Variants in NHSL1 observed in about 807,000 individuals in gnomAD.
The protein encoded by NHSL1 is NHS-like protein 1.
NHSL1 carries 48 observed loss-of-function variants against 95.0 expected under a neutral mutation model. The ratio of observed to expected loss-of-function variants is 0.51; its 90% CI spans 0.40 to 0.64. The LOEUF is 0.64. Ranked by LOEUF, NHSL1 falls within the 30% of genes least tolerant of loss-of-function variation. The probability of loss-of-function intolerance (pLI) is 0.00; values close to 1 mark genes in which losing one functional copy is unlikely to be tolerated. For synonymous variants in NHSL1, 783 were observed against 833.9 expected, an observed-to-expected ratio of 0.94 and a Z score of 1.05; for missense variants, 1,971 against 2,077.7, an observed-to-expected ratio of 0.95 and a Z score of 1.00.
Position 138,661,937 on chromosome 6 carries a change from G to C in NHSL1, c.96+30539C>G, listed in dbSNP as rs76627691. Among the ~76,000 whole-genome samples the C allele has an allele frequency of 4.4e-3, 674 of 152,078 alleles. 12 individuals are homozygous for C. The East Asian group carries it at 0.074, about 17-fold the overall frequency. ...AATTAGAAAATAATTAGCCAGAAGT[G>C]GTGGCGTGCACCTGTAGCCTCAGCT... is the stretch of plus-strand genomic sequence containing the variant. On this transcript the variant is annotated intron_variant, in intron 1 of 3. Coordinates refer to the NHSL1 transcript ENST00000491526.
chr6:138,673,031 G>GATAGC (rs1562409221), intron 1 of NHSL1, among the ~76,000 whole-genome samples: 2 of 148,058 alleles, frequency 1.4e-5, no homozygotes, highest in Non-Finnish European at 3.0e-5. Flanking sequence ...AGATAGATAG[G>GATAGC]TAGATAGATA....
chr6:138,619,404 G>A (rs892578794), intron 1 of NHSL1, among the ~76,000 whole-genome samples: 3 of 152,150 alleles, frequency 2.0e-5, no homozygotes, highest in African/African-American at 7.2e-5. Flanking sequence ...CTATTTATAG[G>A]AGCAGCACAT....
chr6:138,456,971 C>T (rs1777654474), intron 3 of NHSL1, among the ~76,000 whole-genome samples: 1 of 151,842 alleles, frequency 6.6e-6, no homozygotes, highest in Non-Finnish European at 1.5e-5. Flanking sequence ...GCAACCTCCA[C>T]CTCCCAGATT....
chr6:138,454,712 G>A (rs1777470095), intron 3 of NHSL1, among the ~76,000 whole-genome samples: 1 of 152,200 alleles, frequency 6.6e-6, no homozygotes, highest in Admixed American at 6.5e-5. Flanking sequence ...AATAAAGAAA[G>A]ATCTTGTTTC....
At chr6:138,607,675 G>T (rs1158621336) in intron 1 of NHSL1, among the ~76,000 whole-genome samples, 1 of 152,188 alleles carries the variant, frequency 6.6e-6, no homozygotes, top group Non-Finnish European at 1.5e-5. Context: ...CCTCATACAT[G>T]CAAGGACCGC....
chr6:138,576,035 A>G (rs972542517), upstream of NHSL1, among the ~76,000 whole-genome samples: 4 of 152,046 alleles, frequency 2.6e-5, no homozygotes, highest in African/African-American at 9.7e-5. Flanking sequence ...TCTGTCACTC[A>G]GGCCAGAGCG....
intron 3 of NHSL1, among the ~76,000 whole-genome samples, chr6:138,448,966 C>A (rs1029066631): frequency 6.6e-6 from 1 of 150,708 alleles, no homozygotes; most frequent in Non-Finnish European, 1.5e-5. Context: ...GCAGGAGAAT[C>A]GCTTGAACCC....
intron 7 of NHSL1, among the ~76,000 whole-genome samples, chr6:138,426,407 T>C (rs1317369065): frequency 6.6e-6 from 1 of 152,158 alleles, no homozygotes; most frequent in African/African-American, 2.4e-5. Flanking sequence ...GCTACATAAC[T>C]CCCACTGCTA....
At chr6:138,545,746 G>T, upstream of NHSL1, 2 of 1,231,582 alleles carry the variant, frequency 1.6e-6, no homozygotes, top group Non-Finnish European at 2.1e-6. Flanking sequence ...GCCAGAGAGC[G>T]GGGCGGCCAG....
intron 1 of NHSL1, among the ~76,000 whole-genome samples, chr6:138,516,478 G>A (rs1781466564): frequency 6.6e-6 from 1 of 152,142 alleles, no homozygotes; most frequent in Non-Finnish European, 1.5e-5. Flanking sequence ...GACAAAGTGG[G>A]GTTTGTGGCA....
At chr6:138,584,777 C>T (rs1296937322) in intron 1 of NHSL1, among the ~76,000 whole-genome samples, 1 of 152,220 alleles carries the variant, frequency 6.6e-6, no homozygotes, top group African/African-American at 2.4e-5. Flanking sequence ...AAACACCACG[C>T]CCTTTCCACT....
chr6:138,581,430 A>G (rs1195482008), intron 1 of NHSL1, among the ~76,000 whole-genome samples: 1 of 152,068 alleles, frequency 6.6e-6, no homozygotes, highest in Non-Finnish European at 1.5e-5. Flanking sequence ...GGTGGCTCAC[A>G]CCTGTAATCC....
At chr6:138,672,423 T>C (rs1482368240) in intron 1 of NHSL1, among the ~76,000 whole-genome samples, 1 of 151,958 alleles carries the variant, frequency 6.6e-6, no homozygotes, top group African/African-American at 2.4e-5. Context: ...CACTCAACAA[T>C]AAAACTAAAA....
intron 1 of NHSL1, among the ~76,000 whole-genome samples, chr6:138,608,373 T>C (rs1316560021): frequency 7.0e-6 from 1 of 143,252 alleles, no homozygotes; most frequent in Non-Finnish European, 1.5e-5. Flanking sequence ...TGAAGCAGAA[T>C]TTTAACAGTT....
At chr6:138,640,778 C>T (rs1386328181) in intron 1 of NHSL1, among the ~76,000 whole-genome samples, 1 of 151,870 alleles carries the variant, frequency 6.6e-6, no homozygotes, top group African/African-American at 2.4e-5. Flanking sequence ...GTTCCCCTAA[C>T]CCCCCACCCC....
At chr6:138,562,057 G>C (rs557616795) in intron 1 of NHSL1, among the ~76,000 whole-genome samples, 1 of 152,262 alleles carries the variant, frequency 6.6e-6, no homozygotes, top group Admixed American at 6.5e-5. Flanking sequence ...GGCTGAAGAG[G>C]GGCAGACCAC....
At chr6:138,670,662 T>A in intron 1 of NHSL1, among the ~76,000 whole-genome samples, 1 of 100,110 alleles carries the variant, frequency 1.0e-5, no homozygotes, top group African/African-American at 4.3e-5. Flanking sequence ...CGAGACTCCG[T>A]CTCAAAAAAA....
chr6:138,519,341 T>C (rs1193360528), intron 1 of NHSL1, among the ~76,000 whole-genome samples: 2 of 152,232 alleles, frequency 1.3e-5, no homozygotes, highest in Non-Finnish European at 2.9e-5. Context: ...TAAAAAAATG[T>C]GTTATCAAAA....
At chr6:138,506,211 A>C (rs1780957047) in intron 1 of NHSL1, among the ~76,000 whole-genome samples, 2 of 152,226 alleles carry the variant, frequency 1.3e-5, no homozygotes, top group Non-Finnish European at 2.9e-5. Flanking sequence ...ATTTAGGCCT[A>C]TCCTGTTTAT....
Sources: gnomAD v4.1 joint callset for allele counts (sites outside exome capture counted in the v4.1 genomes callset) on GRCh38, gnomAD v4.1.1 for gene constraint, MANE v1.5 for transcripts, NCBI Gene and HGNC (gene_info 2026-07-23, HGNC 2026-07-21) for gene names.